Variants in CAMTA1 observed in about 807,000 individuals in gnomAD.
CAMTA1 encodes the protein calmodulin binding transcription activator 1.
Under a neutral mutation model 170.9 loss-of-function variants are expected in CAMTA1, and 27 were observed. The ratio of observed to expected loss-of-function variants is 0.16; its 90% CI spans 0.12 to 0.22. The LOEUF is 0.22. CAMTA1 is among the 10% of genes least tolerant of loss of function. The pLI, the probability that CAMTA1 is intolerant of heterozygous loss-of-function variation, is 1.00. For synonymous variants in CAMTA1, 833 were observed against 891.5 expected, an observed-to-expected ratio of 0.93 and a Z score of 1.17; for missense variants, 1,619 against 2,217.2, an observed-to-expected ratio of 0.73 and a Z score of 5.42.
intron 11 of CAMTA1, among the ~76,000 whole-genome samples, chr1:7,679,062 G>T (rs1027173584): frequency 6.6e-6 from 1 of 152,246 alleles, no homozygotes; most frequent in Non-Finnish European, 1.5e-5. Flanking sequence ...AGCATGGGCT[G>T]CCCTGGGGCA....
intron 9 of CAMTA1, among the ~76,000 whole-genome samples, chr1:7,669,251 G>GA (rs2096032664): frequency 6.6e-6 from 1 of 152,242 alleles, no homozygotes. Flanking sequence ...AGCAGGGGTG[G>GA]AATATGCTTT....
At chr1:7,082,837 A>G (rs957110741) in intron 3 of CAMTA1, among the ~76,000 whole-genome samples, 1 of 152,184 alleles carries the variant, frequency 6.6e-6, no homozygotes, top group South Asian at 2.1e-4. Flanking sequence ...GTATGGACAC[A>G]TCGTCCGTGC....
rs1316985205 is a variant in CAMTA1, at chr1:7,565,024, T to TG, written c.511-75370dup. On this transcript the variant is annotated intron_variant, in intron 6 of 22. Coordinates refer to ENST00000303635, the MANE Select transcript of CAMTA1 (RefSeq NM_015215.4). This position sits in a 1 kb window ranked among gnomAD's most constrained non-coding sequence, Gnocchi z 4.5. ...GTGACAACCACGAGATCAAGGTGGA[T>TG]GGGGGGTGGGAGCAGAAGGGCAAGG... is the stretch of plus-strand genomic sequence containing the variant. Among the ~76,000 whole-genome samples, 1 of 144,056 alleles carries TG rather than the reference T, an allele frequency of 6.9e-6. No individual in the cohort carries two copies. Among genetic ancestry groups the TG allele is most frequent in the Non-Finnish European group, 1.5e-5 (1 of 65,542 alleles). The allele number at this position is 144,056 out of a possible 152,430, so 94.5% of individuals were successfully genotyped here.
In CAMTA1 at chr1:7,482,336, C is replaced by T. The variant is rs1039430095; in HGVS notation, c.510+14435C>T. ...TGAATGGTGTCCATCCATCCAGCAC[C>T]GGGCTTCCTGAGGGCAGGGCCAGGT... is the stretch of plus-strand genomic sequence containing the variant. On this transcript the variant is annotated intron_variant, in intron 6 of 22. Coordinates refer to ENST00000303635, the MANE Select transcript of CAMTA1 (RefSeq NM_015215.4). This position sits in a 1 kb window ranked among gnomAD's most constrained non-coding sequence, Gnocchi z 4.2. Among the ~76,000 whole-genome samples, 5 of 152,134 alleles carry T rather than the reference C, an allele frequency of 3.3e-5. No individual in the cohort carries two copies. The East Asian group carries it at 5.8e-4, about 18-fold the overall frequency.
chr1:7,631,093 G>T (rs1352709382), intron 6 of CAMTA1, among the ~76,000 whole-genome samples: 1 of 152,178 alleles, frequency 6.6e-6, no homozygotes, highest in Non-Finnish European at 1.5e-5. Context: ...CACAGAGGGT[G>T]TTCTAACTAC....
intron 6 of CAMTA1, among the ~76,000 whole-genome samples, chr1:7,474,507 T>A (rs894236908): frequency 6.6e-6 from 1 of 152,244 alleles, no homozygotes; most frequent in African/African-American, 2.4e-5. Flanking sequence ...AGCTTGATGC[T>A]GCCAGCACCA....
At chr1:7,417,714 C>T (rs2091284828) in intron 5 of CAMTA1, among the ~76,000 whole-genome samples, 1 of 152,184 alleles carries the variant, frequency 6.6e-6, no homozygotes, top group Non-Finnish European at 1.5e-5. Context: ...TCCCTGACCC[C>T]TTGTACTTCC....
intron 11 of CAMTA1, among the ~76,000 whole-genome samples, chr1:7,705,278 C>T (rs1174959300): frequency 6.7e-6 from 1 of 150,246 alleles, no homozygotes; most frequent in Non-Finnish European, 1.5e-5. Flanking sequence ...GGGTGGGAGA[C>T]ACGCGTGTCC....
chr1:6,994,177 A>G (rs1696825755), intron 3 of CAMTA1, among the ~76,000 whole-genome samples: 2 of 152,050 alleles, frequency 1.3e-5, no homozygotes, highest in Admixed American at 1.3e-4. Flanking sequence ...CCCATAGTGT[A>G]TTTTTTCTTT....
intron 6 of CAMTA1, among the ~76,000 whole-genome samples, chr1:7,543,069 G>A (rs910864221): frequency 3.3e-5 from 5 of 152,152 alleles, no homozygotes; most frequent in East Asian, 3.9e-4. Flanking sequence ...GGGTTTCACC[G>A]TGTTAGCCAG....
At chr1:7,756,234 T>TA (rs1480913486) in intron 22 of CAMTA1, among the ~76,000 whole-genome samples, 1 of 152,046 alleles carries the variant, frequency 6.6e-6, no homozygotes, top group Non-Finnish European at 1.5e-5. Context: ...GTGAGGTAAG[T>TA]CACTGTACAA....
intron 5 of CAMTA1, among the ~76,000 whole-genome samples, chr1:7,417,277 GGGAGAACCACTAC>G (rs1470397243): frequency 3.9e-5 from 6 of 152,362 alleles, no homozygotes; most frequent in Admixed American, 3.9e-4. Flanking sequence ...GCTGCGTGCT[GGGAGAACCACTAC>G]TCTCTTCAAA....
In CAMTA1 at chr1:7,673,594, C is replaced by T. The variant is rs1417237824; in HGVS notation, c.2779+2557C>T. On this transcript the variant is annotated intron_variant, in intron 10 of 22. Transcript: ENST00000303635. The surrounding 1 kb of genome is among the most constrained non-coding windows in gnomAD (Gnocchi z 4.6). ...ACTCACCCTCCTAGCTGTTCAGGCT[C>T]ATTATATGAGCCATAATGTGTCTCG... is the stretch of plus-strand genomic sequence containing the variant. Among the ~76,000 whole-genome samples, 4 of 152,164 alleles carry T rather than the reference C, an allele frequency of 2.6e-5. No homozygotes were observed. Among genetic ancestry groups the T allele is most frequent in the African/African-American group, 7.2e-5 (3 of 41,428 alleles).
chr1:7,478,354 T>C (rs1193184), intron 6 of CAMTA1, among the ~76,000 whole-genome samples: 102,616 of 151,906 alleles, frequency 0.68, 35,857 homozygotes, highest in African/African-American at 0.85. Context: ...ATGGAAGCTC[T>C]GCCTTCTGGC....
rs1330450906 is a variant in CAMTA1 at position 7,736,007 on chromosome 1, A to G, written c.3067-337A>G. Among the ~76,000 whole-genome samples the G allele has an allele frequency of 6.6e-6, 1 of 151,904 alleles. No homozygotes were observed. Among genetic ancestry groups the G allele is most frequent in the Non-Finnish European group, 1.5e-5 (1 of 67,958 alleles). ...CCAGGCTGGTCTCGAACTCCTGACCACAAGAGATCTGCCCGCCTCAGCCTC... is the reference window on the plus strand; with the variant it reads ...CCAGGCTGGTCTCGAACTCCTGACCGCAAGAGATCTGCCCGCCTCAGCCTC... On this transcript the variant is annotated intron_variant, in intron 12 of 22. Coordinates refer to ENST00000303635, the MANE Select transcript of CAMTA1 (RefSeq NM_015215.4). The surrounding 1 kb of genome is among the most constrained non-coding windows in gnomAD (Gnocchi z 4.5).
chr1:7,611,906 A>T (rs1462127590), intron 6 of CAMTA1, among the ~76,000 whole-genome samples: 1 of 152,240 alleles, frequency 6.6e-6, no homozygotes, highest in Non-Finnish European at 1.5e-5. Flanking sequence ...GACCCCGTCA[A>T]GAGACTTGCA....
chr1:7,340,716 GCATCCATCCATCCATCCATCCATC>G (rs60556819), intron 5 of CAMTA1, among the ~76,000 whole-genome samples: 2 of 146,684 alleles, frequency 1.4e-5, no homozygotes, highest in African/African-American at 5.1e-5. Flanking sequence ...TTCCACCTGT[GCATCCATCCATCCATCCATCCATC>G]CATCCATCCA....
intron 5 of CAMTA1, among the ~76,000 whole-genome samples, chr1:7,363,470 C>T (rs2085717142): frequency 6.6e-6 from 1 of 152,110 alleles, no homozygotes; most frequent in Non-Finnish European, 1.5e-5. Context: ...TGTAGAACAT[C>T]ATCTGTCAGC....
At chr1:7,049,074 A>C (rs1705873214) in intron 3 of CAMTA1, among the ~76,000 whole-genome samples, 1 of 152,192 alleles carries the variant, frequency 6.6e-6, no homozygotes, top group African/African-American at 2.4e-5. Context: ...ATGCTGCTGA[A>C]CGTCAGCTAG....
Sources: gnomAD v4.1 joint callset for allele counts (sites outside exome capture counted in the v4.1 genomes callset) on GRCh38, gnomAD v4.1.1 for gene constraint, Gnocchi (gnomAD v3.1) non-coding constraint, MANE v1.5 for transcripts, NCBI Gene and HGNC (gene_info 2026-07-23, HGNC 2026-07-21) for gene names.